SAMD12: variants seen among roughly 807,000 people sequenced by gnomAD.
The protein encoded by SAMD12 is sterile alpha motif domain containing 12.
A neutral mutation model predicts 15.0 loss-of-function variants in SAMD12; 9 were observed. The ratio of observed to expected loss-of-function variants is 0.60; its 90% CI spans 0.36 to 1.05. SAMD12 has a LOEUF of 1.05. SAMD12 is among the 50% of genes least tolerant of loss of function. The pLI is 0.01. For synonymous variants in SAMD12, 86 were observed against 90.1 expected (o/e 0.96, Z 0.25); for missense variants, 230 against 234.2 (o/e 0.98, Z 0.12).
chr8:118,262,292 A>G (rs554736122), intron 4 of SAMD12, among the ~76,000 whole-genome samples: 1 of 152,116 alleles, frequency 6.6e-6, no homozygotes, highest in Non-Finnish European at 1.5e-5. Context: ...TTGAGATGAC[A>G]CCAAGGCCAA....
rs554383977 is a variant in SAMD12, at chr8:118,240,098, A to G, written c.434-42366T>C. The stretch of plus-strand genomic sequence containing the variant: ...ATCCTCATTAAAATCCCTGTAGGGT[A>G]TCTTTATTTATAGATGAAACTCAGC... On this transcript the variant is annotated intron_variant, in intron 4 of 4. Transcript: ENST00000409003. 14 of 152,186 alleles carry G rather than the reference A, an allele frequency of 9.2e-5. No individual in the cohort carries two copies. In the East Asian group the frequency reaches 1.4e-3, roughly 15 times the overall value. The allele number at this position is 152,186 out of a possible 1,614,324, so 9.4% of individuals were successfully genotyped here. A position where few individuals can be genotyped will look rare whatever the true frequency, so the allele number is the denominator to read the frequency against.
At chr8:118,610,466 A>AT (rs755904787) in intron 1 of SAMD12, among the ~76,000 whole-genome samples, 5 of 152,190 alleles carry the variant, frequency 3.3e-5, no homozygotes, top group Non-Finnish European at 5.9e-5. Context: ...TCTACCACAA[A>AT]TTAGCAGTGT....
chr8:118,495,846 G>C (rs1235149110), intron 2 of SAMD12, among the ~76,000 whole-genome samples: 1 of 152,054 alleles, frequency 6.6e-6, no homozygotes, highest in Non-Finnish European at 1.5e-5. Context: ...ATTATGTTTT[G>C]AAATAATACA....
chr8:118,224,905 G>T (rs537914888), intron 4 of SAMD12, among the ~76,000 whole-genome samples: 1 of 152,132 alleles, frequency 6.6e-6, no homozygotes, highest in Non-Finnish European at 1.5e-5. Flanking sequence ...GTAACTTATT[G>T]TTGAGCAAAC....
chr8:118,135,135 C>T, the SAMD12 span, among the ~76,000 whole-genome samples: 1 of 152,132 alleles, frequency 6.6e-6, no homozygotes, highest in Non-Finnish European at 1.5e-5. Context: ...ACAATATAGG[C>T]AATCTAAATA....
intron 2 of SAMD12, among the ~76,000 whole-genome samples, chr8:118,575,048 G>T (rs1367765516): frequency 8.5e-5 from 13 of 152,120 alleles, no homozygotes; most frequent in Admixed American, 8.5e-4. Flanking sequence ...CCAGATTAAT[G>T]GTTCCTGCTT....
intron 2 of SAMD12, among the ~76,000 whole-genome samples, chr8:118,492,171 A>C (rs1252785944): frequency 1.4e-5 from 2 of 146,416 alleles, no homozygotes; most frequent in East Asian, 2.0e-4. Context: ...TGTATCAAGT[A>C]GTATTTCATT....
chr8:118,343,856 C>T (rs1817496232), intron 4 of SAMD12, among the ~76,000 whole-genome samples: 1 of 152,196 alleles, frequency 6.6e-6, no homozygotes, highest in South Asian at 2.1e-4. Context: ...TTTGGATCTG[C>T]ATTGGGTTAG....
chr8:118,191,118 T>C (rs1196713629), exon 5 of SAMD12: 1 of 152,186 alleles, frequency 6.6e-6, no homozygotes, highest in East Asian at 1.9e-4. Flanking sequence ...TTCCAAATAT[T>C]TGTGCTGGCT....
intron 4 of SAMD12, among the ~76,000 whole-genome samples, chr8:118,332,094 CA>C (rs938878202): frequency 1.3e-5 from 2 of 150,476 alleles, no homozygotes; most frequent in Non-Finnish European, 3.0e-5. Context: ...GCTCCCCCTT[CA>C]AAAAAAAGGG....
chr8:118,179,439 G>GAAAAAA, the SAMD12 span, among the ~76,000 whole-genome samples: 4 of 92,304 alleles, frequency 4.3e-5, no homozygotes, highest in African/African-American at 1.6e-4. Flanking sequence ...CTCCGTCTCC[G>GAAAAAA]AAAAAAAAAA....
chr8:118,248,464 G>C (rs1020524619), intron 4 of SAMD12, among the ~76,000 whole-genome samples: 1 of 152,122 alleles, frequency 6.6e-6, no homozygotes, highest in Non-Finnish European at 1.5e-5. Flanking sequence ...AGGCTGGATG[G>C]AGGGTGGTGT....
chr8:118,137,444 G>A, the SAMD12 span, among the ~76,000 whole-genome samples: 1 of 152,178 alleles, frequency 6.6e-6, no homozygotes, highest in Non-Finnish European at 1.5e-5. Flanking sequence ...CTTAGGCATG[G>A]AAAGTTGGGG....
At chr8:118,292,298 T>C (rs1359672726) in intron 4 of SAMD12, among the ~76,000 whole-genome samples, 3 of 136,288 alleles carry the variant, frequency 2.2e-5, no homozygotes, top group African/African-American at 8.4e-5. Context: ...TATGAAAAAA[T>C]AAACAATATA....
chr8:118,230,224 C>G (rs1812277347), intron 4 of SAMD12, among the ~76,000 whole-genome samples: 1 of 152,146 alleles, frequency 6.6e-6, no homozygotes, highest in South Asian at 2.1e-4. Context: ...TCACAATAAA[C>G]CTGTGACATA....
chr8:118,428,173 T>C (rs183078400), intron 3 of SAMD12, among the ~76,000 whole-genome samples: 22 of 152,338 alleles, frequency 1.4e-4, no homozygotes, highest in African/African-American at 5.1e-4. Context: ...AGTTCTTTTT[T>C]AGATATATAA....
At chr8:118,391,259 T>C (rs1820261872) in intron 3 of SAMD12, among the ~76,000 whole-genome samples, 1 of 152,220 alleles carries the variant, frequency 6.6e-6, no homozygotes, top group Non-Finnish European at 1.5e-5. Flanking sequence ...AGTACCAACA[T>C]AATGGAGACT....
At chr8:118,590,063 G>A (rs569281421) in intron 1 of SAMD12, among the ~76,000 whole-genome samples, 7 of 152,154 alleles carry the variant, frequency 4.6e-5, no homozygotes, top group South Asian at 2.1e-4. Context: ...CTTTTGCCTC[G>A]TATATCCCAG....
chr8:118,614,486 CT>C (rs986118610), intron 1 of SAMD12, among the ~76,000 whole-genome samples: 12 of 152,180 alleles, frequency 7.9e-5, no homozygotes, highest in Non-Finnish European at 1.8e-4. Context: ...GAGTCCTGCA[CT>C]GTGGAGGCAG....
Sources: allele counts gnomAD v4.1 joint callset (sites outside exome capture counted in the v4.1 genomes callset), GRCh38; gene constraint gnomAD v4.1.1; transcripts MANE v1.5; gene names NCBI Gene and HGNC (gene_info 2026-07-23, HGNC 2026-07-21).